Variants in RGS6 observed in about 807,000 individuals in gnomAD.
RGS6 encodes regulator of G-protein signaling 6.
In RGS6, 30 loss-of-function variants were observed where a neutral mutation model predicts 78.5. The observed-to-expected ratio is 0.38, with a 90% CI of 0.29 to 0.52. The LOEUF is 0.52. RGS6 is among the 20% of genes least tolerant of loss of function. The pLI, the probability that RGS6 is intolerant of heterozygous loss-of-function variation, is 0.85. For missense variants in RGS6, 495 were observed against 609.7 expected, an observed-to-expected ratio of 0.81 and a Z score of 1.98; for synonymous variants, 206 against 206.0, an observed-to-expected ratio of 1.00 and a Z score of 0.00.
At chr14:72,369,063 A>G (rs2082956012) in intron 3 of RGS6, among the ~76,000 whole-genome samples, 1 of 152,148 alleles carries the variant, frequency 6.6e-6, no homozygotes, top group Non-Finnish European at 1.5e-5. Context: ...ACACACACAC[A>G]AAAATCTCAT....
At chr14:72,275,251 A>G (rs893659108) in intron 2 of RGS6, among the ~76,000 whole-genome samples, 2 of 152,248 alleles carry the variant, frequency 1.3e-5, no homozygotes, top group Non-Finnish European at 1.5e-5. Context: ...AAATGACACA[A>G]TAATTAGAAA....
At chr14:72,481,412 G>T (rs1338064784) in intron 12 of RGS6, among the ~76,000 whole-genome samples, 1 of 152,156 alleles carries the variant, frequency 6.6e-6, no homozygotes, top group Non-Finnish European at 1.5e-5. Context: ...ATTCTTTCCT[G>T]CACCCTCTGT....
chr14:72,611,705 T>A, the RGS6 span, among the ~76,000 whole-genome samples: 5 of 152,182 alleles, frequency 3.3e-5, no homozygotes, highest in African/African-American at 1.2e-4. Flanking sequence ...CCAGTTTTAA[T>A]GCTGAGGATG....
At chr14:71,968,252 C>T (rs532105686) in intron 2 of RGS6, among the ~76,000 whole-genome samples, 13 of 152,194 alleles carry the variant, frequency 8.5e-5, no homozygotes, top group Admixed American at 6.5e-5. Context: ...CCTCAAAGGA[C>T]CCCCTCCACA....
At chr14:72,026,996 A>G (rs1377008840) in intron 2 of RGS6, among the ~76,000 whole-genome samples, 1 of 152,178 alleles carries the variant, frequency 6.6e-6, no homozygotes, top group Admixed American at 6.5e-5. Flanking sequence ...AGACATTCAC[A>G]GATCTAGGCC....
intron 2 of RGS6, 109 bp downstream of exon 2, chr14:71,964,984 A>G (rs1449204762): frequency 1.4e-6 from 1 of 690,432 alleles, no homozygotes; most frequent in African/African-American, 1.8e-5. Context: ...TTACTGATAA[A>G]TGCATATTTT....
the RGS6 span, among the ~76,000 whole-genome samples, chr14:71,889,589 G>A: frequency 1.3e-5 from 2 of 152,206 alleles, no homozygotes; most frequent in Non-Finnish European, 2.9e-5. Context: ...CTTCGTCAGA[G>A]AGGGGATAAT....
At chr14:72,018,141 A>G (rs1358456714) in intron 2 of RGS6, among the ~76,000 whole-genome samples, 2 of 152,066 alleles carry the variant, frequency 1.3e-5, no homozygotes, top group South Asian at 2.1e-4. Flanking sequence ...TCCATGGTGT[A>G]TATGTACCAC....
chr14:72,325,554 T>C (rs2073507653), intron 2 of RGS6, among the ~76,000 whole-genome samples: 1 of 152,182 alleles, frequency 6.6e-6, no homozygotes, highest in African/African-American at 2.4e-5. Flanking sequence ...AGGGATCCAG[T>C]TTCAGCTTTC....
intron 2 of RGS6, among the ~76,000 whole-genome samples, chr14:72,074,045 C>G: frequency 6.6e-6 from 1 of 152,098 alleles, no homozygotes; most frequent in East Asian, 1.9e-4. Flanking sequence ...TAGCAGATAT[C>G]TGTTGGAATC....
chr14:72,369,717 T>C (rs770719794), intron 3 of RGS6, among the ~76,000 whole-genome samples: 9 of 152,236 alleles, frequency 5.9e-5, no homozygotes, highest in Non-Finnish European at 1.3e-4. Flanking sequence ...AGCATTCAGC[T>C]TAAATTGCTT....
At chr14:72,206,570 C>T (rs1268654152) in intron 2 of RGS6, among the ~76,000 whole-genome samples, 2 of 152,122 alleles carry the variant, frequency 1.3e-5, no homozygotes, top group Non-Finnish European at 2.9e-5. Flanking sequence ...TACAGTTCCA[C>T]ATCGCTGGGG....
chr14:72,391,421 T>C (rs2089958306), intron 3 of RGS6, among the ~76,000 whole-genome samples: 1 of 152,196 alleles, frequency 6.6e-6, no homozygotes, highest in Admixed American at 6.5e-5. Context: ...TTCTCACCTC[T>C]CATTTGAGAG....
intron 17 of RGS6, among the ~76,000 whole-genome samples, 165 bp from the exon 18 acceptor site, chr14:72,562,252 A>G (rs2097686218): frequency 6.6e-6 from 1 of 152,206 alleles, no homozygotes; most frequent in African/African-American, 2.4e-5. Flanking sequence ...GTCCAAAGTT[A>G]AGGCTCCCAT....
Position 72,194,805 on chromosome 14 carries a change from A to G in RGS6, c.85-157290A>G, listed in dbSNP as rs556478566. ...ACCCTGGGGCAGGGGAGCAGCTGCA[A>G]TTTTAACTAGGGCAACCAAGGTGGG... On this transcript the variant is annotated intron_variant, in intron 2 of 17. Coordinates refer to ENST00000553525, the MANE Select transcript of RGS6 (RefSeq NM_001204424.2). Among the ~76,000 whole-genome samples, 6 of 152,334 alleles carry G rather than the reference A, an allele frequency of 3.9e-5. No homozygotes were observed. In the South Asian group the frequency reaches 6.2e-4, roughly 16 times the overall value.
chr14:71,868,348 T>G, the RGS6 span, among the ~76,000 whole-genome samples: 5 of 152,174 alleles, frequency 3.3e-5, no homozygotes, highest in Non-Finnish European at 7.3e-5. Flanking sequence ...GGGCTTAAAC[T>G]GACATGTCTT....
At chr14:72,219,269 A>G (rs565524691) in intron 2 of RGS6, among the ~76,000 whole-genome samples, 84 of 152,262 alleles carry the variant, frequency 5.5e-4, no homozygotes, top group Non-Finnish European at 1.0e-3. Flanking sequence ...CCAAAGTGCC[A>G]CAAGTATTGG....
At chr14:72,297,377 A>C (rs2065050204) in intron 2 of RGS6, among the ~76,000 whole-genome samples, 3 of 150,124 alleles carry the variant, frequency 2.0e-5, no homozygotes, top group Admixed American at 2.0e-4. Context: ...CAACATCTTA[A>C]GAATATTGAG....
chr14:72,623,909 T>A, the RGS6 span, among the ~76,000 whole-genome samples: 1 of 152,096 alleles, frequency 6.6e-6, no homozygotes, highest in Non-Finnish European at 1.5e-5. Flanking sequence ...AATGTATAAA[T>A]ATATTTACAT....
Sources: allele counts gnomAD v4.1 joint callset (sites outside exome capture counted in the v4.1 genomes callset), GRCh38; gene constraint gnomAD v4.1.1; transcripts MANE v1.5; gene names NCBI Gene and HGNC (gene_info 2026-07-23, HGNC 2026-07-21).